The following CHD5 variants were observed in gnomAD, a reference collection of about 807,000 sequenced individuals.
CHD5 encodes ATP-dependent chromatin remodeler CHD5.
A neutral mutation model predicts 230.3 loss-of-function variants in CHD5; 69 were observed. That is an observed-to-expected ratio of 0.30 (90% confidence interval 0.25 to 0.37). The LOEUF (loss-of-function observed/expected upper bound fraction) is 0.37, where lower values mean the gene tolerates loss of function less well. CHD5 is among the 10% of genes least tolerant of loss of function. The pLI is 1.00. For synonymous variants in CHD5, 1,064 were observed against 1,065.9 expected, an observed-to-expected ratio of 1.00 and a Z score of 0.03; for missense variants, 1,827 against 2,622.8, an observed-to-expected ratio of 0.70 and a Z score of 6.63.
At chr1:6,164,075 C>T (rs1425647083) in intron 2 of CHD5, among the ~76,000 whole-genome samples, 4 of 152,230 alleles carry the variant, frequency 2.6e-5, no homozygotes, top group Admixed American at 6.5e-5. Context: ...AGCATGTGGT[C>T]GCAGCCCTGG....
In CHD5 at chr1:6,148,976, C is replaced by A; in HGVS notation, c.1261G>T (p.Val421Leu). The change falls in exon 9 of 42, where the codon GTG becomes TTG. Residue 421 changes from valine to leucine, a missense_variant. By Grantham distance (32) the Val-to-Leu change is conservative. Transcript: ENST00000262450. ...EEDDHMEFCR[V>L]CKDGGELLCC... ...AGCAGCTCGCCCCCGTCCTTGCACA[C>A]GCGGCAGAACTCCATGTGGTCGTCC... The A allele has an allele frequency of 6.2e-7, 1 of 1,607,570 alleles. No homozygotes were observed. The highest frequency in any genetic ancestry group is 8.5e-7 in the Non-Finnish European group (1 of 1,177,206).
In CHD5 at chr1:6,151,150, T is replaced by C; in HGVS notation, c.876A>G (p.Glu292=). The change falls in exon 7 of 42, where the codon GAA becomes GAG. Residue 292 remains glutamate, a synonymous_variant. Transcript: ENST00000262450. ...AGTCCGACTCCTCCCTCTCATCTTCTTCACTCTGCAGGGGAAGACAGGGTC... is the reference window on the plus strand; with the variant it reads ...AGTCCGACTCCTCCCTCTCATCTTCCTCACTCTGCAGGGGAAGACAGGGTC... ...SNKRKKGSSS[E]EDEREESDFD... 1 of 1,607,408 alleles carries C rather than the reference T, an allele frequency of 6.2e-7. No homozygotes were observed. Among genetic ancestry groups the C allele is most frequent in the Non-Finnish European group, 8.5e-7 (1 of 1,176,578 alleles).
intron 5 of CHD5, among the ~76,000 whole-genome samples, chr1:6,153,304 TG>T (rs1667034003): frequency 6.6e-6 from 1 of 151,964 alleles, no homozygotes; most frequent in Non-Finnish European, 1.5e-5. Flanking sequence ...CGAGAGGAAA[TG>T]AGAAAACAAG....
chr1:6,135,328 C>G lies in CHD5; in HGVS notation c.2772G>C (p.Leu924=). The G allele has an allele frequency of 1.2e-6, 2 of 1,614,152 alleles. No individual in the cohort carries two copies. Among genetic ancestry groups the G allele is most frequent in the Non-Finnish European group, 1.7e-6 (2 of 1,180,016 alleles). Residue 924 remains leucine, a synonymous_variant, in exon 18 of 42, where the codon CTG becomes CTC. Coordinates refer to ENST00000262450, the MANE Select transcript of CHD5 (RefSeq NM_015557.3). ...TGAGCCGCCTGAGCATGTGCGGCCCCAGCAGGTCATGCAGCTTCTTGATCT... is the reference window on the plus strand; with the variant it reads ...TGAGCCGCCTGAGCATGTGCGGCCCGAGCAGGTCATGCAGCTTCTTGATCT... ...EDQIKKLHDL[L]GPHMLRRLKA...
In CHD5 at chr1:6,129,292, G is replaced by C. The variant is rs1385591583; in HGVS notation, c.3388-223C>G. ...GCCAGGCTGGGTTTGGAGTGGAAAA[G>C]CTTCTAGCCATTGGAAGCAGGCAGG... is the stretch of plus-strand genomic sequence containing the variant. On this transcript the variant is annotated intron_variant, in intron 22 of 41. Coordinates refer to ENST00000262450, the MANE Select transcript of CHD5 (RefSeq NM_015557.3). This position sits in a 1 kb window ranked among gnomAD's most constrained non-coding sequence, Gnocchi z 6.8. Among the ~76,000 whole-genome samples the C allele has an allele frequency of 6.6e-6, 1 of 152,212 alleles. No individual in the cohort carries two copies. The highest frequency in any genetic ancestry group is 1.5e-5 in the Non-Finnish European group (1 of 68,030).
Position 6,146,228 on chromosome 1 carries a change from G to A in CHD5, c.1786C>T (p.Arg596Ter), listed in dbSNP as rs2100860639. Residue 596 changes from arginine (R) to a stop codon, truncating the protein, a stop_gained, in exon 11 of 42, where the codon CGA (arginine) becomes TGA (stop). Transcript: ENST00000262450. LOFTEE classifies it high-confidence loss of function. The surrounding 1 kb of genome is among the most constrained non-coding windows in gnomAD (Gnocchi z 5.1). The stretch of plus-strand genomic sequence containing the variant: ...GGCACACACCTATGGTTCAGGATTC[G>A]GTGAATCATCATCCACTCTGGCTTG... Reference protein sequence around the residue: ...GIKPEWMMIHRILNHSFDKKG... With the variant: ...GIKPEWMMIH The A allele has an allele frequency of 6.2e-7, 1 of 1,614,080 alleles. No homozygotes were observed. Among genetic ancestry groups the A allele is most frequent in the Non-Finnish European group, 8.5e-7 (1 of 1,180,006 alleles).
At position 6,177,073 on chromosome 1, in the gene CHD5, G is replaced by C. The variant is rs77405225; in HGVS notation, c.79+2872C>G. ...CACTGCTGAGAGTGAGCAACTCCCAGGGGGAGGTGGGAGATGAGCAGAGTC... is the reference window on the plus strand; with the variant it reads ...CACTGCTGAGAGTGAGCAACTCCCACGGGGAGGTGGGAGATGAGCAGAGTC... On this transcript the variant is annotated intron_variant, in intron 1 of 41. Coordinates refer to ENST00000262450, the MANE Select transcript of CHD5 (RefSeq NM_015557.3). 6.6e-3 allele frequency among the ~76,000 whole-genome samples: 1,005 copies of C among 152,366 alleles called. 11 individuals are homozygous for C. Among genetic ancestry groups the C allele is most frequent in the African/African-American group, 0.023 (955 of 41,580 alleles).
At chr1:6,119,775 A>G (rs569779256) in intron 33 of CHD5, among the ~76,000 whole-genome samples, 19 of 151,316 alleles carry the variant, frequency 1.3e-4, no homozygotes, top group South Asian at 8.3e-4. Context: ...ACATACGTAC[A>G]TATGTGCGTA....
chr1:6,175,741 G>C (rs1667416783), intron 1 of CHD5, among the ~76,000 whole-genome samples: 1 of 131,132 alleles, frequency 7.6e-6, no homozygotes, highest in Non-Finnish European at 1.6e-5. Context: ...CATATGGATA[G>C]ATAGGTGGAT....
chr1:6,129,121 T>A lies in CHD5; in HGVS notation c.3388-52A>T, dbSNP rs1170272551. 3.8e-6 allele frequency: 5 copies of A among 1,301,308 alleles called. No homozygotes were observed. Among genetic ancestry groups the A allele is most frequent in the Non-Finnish European group, 5.4e-6 (5 of 917,590 alleles). The allele number at this position is 1,301,308 out of a possible 1,614,324, so 80.6% of individuals were successfully genotyped here. On this transcript the variant is annotated intron_variant, in intron 22 of 41. Transcript: ENST00000262450. The surrounding 1 kb of genome is among the most constrained non-coding windows in gnomAD (Gnocchi z 6.8). ...GTGGCTCACCCAGGGCTCCAGGCAA[T>A]GGAGGAGATCACACCCATGAGCTCA...
intron 1 of CHD5, among the ~76,000 whole-genome samples, chr1:6,169,479 G>A (rs1485913920): frequency 2.6e-5 from 4 of 152,240 alleles, no homozygotes; most frequent in African/African-American, 7.2e-5. Context: ...CCAGAGGAAG[G>A]GCTGCCACAT....
chr1:6,128,385 G>T lies in CHD5; in HGVS notation c.3730+114C>A. 9.0e-7 allele frequency: 1 copy of T among 1,109,858 alleles called. No individual in the cohort carries two copies. The highest frequency in any genetic ancestry group is 1.3e-6 in the Non-Finnish European group (1 of 756,320). 68.8% of individuals were successfully genotyped at this position (1,109,858 alleles called of 1,614,324 possible). On this transcript the variant is annotated intron_variant, in intron 24 of 41. Transcript: ENST00000262450. The surrounding 1 kb of genome is among the most constrained non-coding windows in gnomAD (Gnocchi z 7.8). ...CTGCGCTGTAACAGCCCCACTCGCC[G>T]CCCACCTGGCAGTCCCAGGACGCCC...
At chr1:6,153,342 A>G (rs1286197778) in intron 5 of CHD5, among the ~76,000 whole-genome samples, 3 of 152,256 alleles carry the variant, frequency 2.0e-5, no homozygotes, top group East Asian at 3.8e-4. Flanking sequence ...GGGGCGGGCC[A>G]GGAGCCCCTC....
intron 33 of CHD5, chr1:6,113,373 G>A (rs536451627): frequency 3.5e-5 from 15 of 432,850 alleles, no homozygotes; most frequent in East Asian, 7.0e-5. Flanking sequence ...CCCATGAGCC[G>A]AGATGGCGCC....
chr1:6,161,652 G>A (rs189168838), intron 2 of CHD5, among the ~76,000 whole-genome samples: 23 of 152,306 alleles, frequency 1.5e-4, no homozygotes, highest in East Asian at 5.8e-4. Flanking sequence ...GCTCGGCCTC[G>A]GTCCTTTGGG....
In CHD5 at chr1:6,134,908, G is replaced by C. The variant is rs1392658818; in HGVS notation, c.2871-49C>G. 6.2e-7 allele frequency: 1 copy of C among 1,610,466 alleles called. No homozygotes were observed. Among genetic ancestry groups the C allele is most frequent in the African/African-American group, 1.3e-5 (1 of 74,844 alleles). On this transcript the variant is annotated intron_variant, in intron 18 of 41. Transcript: ENST00000262450. The surrounding 1 kb of genome is among the most constrained non-coding windows in gnomAD (Gnocchi z 6.3). ...CAGGCTGGGTCAGACCCGCCTCCAT[G>C]AGGGCTCTCTCTGCTCTGCAGTGGG...
chr1:6,136,014 T>TA (rs55975312), intron 17 of CHD5, among the ~76,000 whole-genome samples: 6,389 of 119,448 alleles, frequency 0.053, 226 homozygotes, highest in Admixed American at 0.13. Context: ...TTTCTTTTAA[T>TA]AAAAAAAAAC....
chr1:6,141,780 T>TGAAC (rs1283401767), intron 15 of CHD5, among the ~76,000 whole-genome samples: 8 of 152,212 alleles, frequency 5.3e-5, no homozygotes, highest in African/African-American at 1.9e-4. Context: ...TGTAGGCCAG[T>TGAAC]GAACCCCTGC....
chr1:6,118,106 G>C (rs113386859), intron 33 of CHD5, among the ~76,000 whole-genome samples: 55 of 152,214 alleles, frequency 3.6e-4, no homozygotes, highest in African/African-American at 1.2e-3. Flanking sequence ...AAAAAGAAAT[G>C]AAGTACTGCC....
Sources: allele counts gnomAD v4.1 joint callset (sites outside exome capture counted in the v4.1 genomes callset), GRCh38; gene constraint gnomAD v4.1.1; non-coding constraint Gnocchi (gnomAD v3.1); transcripts MANE v1.5; gene names NCBI Gene and HGNC (gene_info 2026-07-23, HGNC 2026-07-21).